Variants in TULP4 observed in about 807,000 individuals in gnomAD.
TULP4 encodes tubby-related protein 4.
TULP4 carries 16 observed loss-of-function variants against 129.0 expected under a neutral mutation model. The observed-to-expected ratio is 0.12, with a 90% CI of 0.08 to 0.19. The LOEUF (loss-of-function observed/expected upper bound fraction) is 0.19. Among genes scored for constraint, TULP4 ranks in the 10% least tolerant of loss-of-function variants. The pLI is 1.00. For missense variants in TULP4, 1,842 were observed against 2,059.1 expected (o/e 0.89, Z 2.04); for synonymous variants, 998 against 854.0 (o/e 1.17, Z -2.94).
At chr6:158,481,722 A>G (rs1343679542) in intron 8 of TULP4, among the ~76,000 whole-genome samples, 2 of 152,210 alleles carry the variant, frequency 1.3e-5, no homozygotes, top group African/African-American at 4.8e-5. Context: ...ACCCCTCCCT[A>G]GTCTACTGTT....
chr6:158,260,395 T>C (rs771150279), intron 1 of TULP4, among the ~76,000 whole-genome samples: 3 of 151,978 alleles, frequency 2.0e-5, no homozygotes, highest in Admixed American at 6.6e-5. Context: ...GCTAACACGG[T>C]GAAACCCCGT....
intron 1 of TULP4, among the ~76,000 whole-genome samples, chr6:158,398,314 G>A (rs775748575): frequency 5.3e-5 from 8 of 152,200 alleles, no homozygotes; most frequent in Non-Finnish European, 1.2e-4. Flanking sequence ...CATACAAGGT[G>A]TGGGAAGAGA....
intron 1 of TULP4, among the ~76,000 whole-genome samples, chr6:158,236,795 C>CTTTTTCTTTTTTTTTTTTTTTT (rs1777713125): frequency 3.2e-5 from 2 of 63,292 alleles, no homozygotes; most frequent in Non-Finnish European, 6.2e-5. Flanking sequence ...CAATTCTTTT[C>CTTTTTCTTTTTTTTTTTTTTTT]TTTTTTTTTT....
chr6:158,381,006 G>C (rs1284321240), intron 1 of TULP4, among the ~76,000 whole-genome samples: 1 of 151,818 alleles, frequency 6.6e-6, no homozygotes, highest in Non-Finnish European at 1.5e-5. Context: ...CTGCCAACTT[G>C]GAAGGGGAGC....
rs5881257 is a variant in TULP4 at position 158,365,899 on chromosome 6, C to CTTTTT, written c.253-47149_253-47145dup. Among the ~76,000 whole-genome samples the CTTTTT allele has an allele frequency of 2.7e-3, 156 of 57,586 alleles. 2 individuals carry two copies. Among genetic ancestry groups the CTTTTT allele is most frequent in the Non-Finnish European group, 3.3e-3 (112 of 34,296 alleles). The allele number at this position is 57,586 out of a possible 152,430, so 37.8% of individuals were successfully genotyped here. A position where few individuals can be genotyped will look rare whatever the true frequency, so the allele number is the denominator to read the frequency against. On this transcript the variant is annotated intron_variant, in intron 1 of 13. Coordinates refer to ENST00000367097, the MANE Select transcript of TULP4 (RefSeq NM_020245.5). The stretch of plus-strand genomic sequence containing the variant: ...TCTTTTTTTTTTTTTCTTTTTCTTT[C>CTTTTT]TTTTTTTTTTTTTTTTTTTTTGAGA...
At chr6:158,461,475 T>A in intron 5 of TULP4, 88 bp from the exon 6 acceptor site, 2 of 1,337,380 alleles carry the variant, frequency 1.5e-6, no homozygotes, top group Non-Finnish European at 2.0e-6. Context: ...GTGTCTGTAT[T>A]TTTTAAACTA....
intron 5 of TULP4, among the ~76,000 whole-genome samples, chr6:158,453,637 A>C (rs1779217977): frequency 6.6e-6 from 1 of 151,288 alleles, no homozygotes; most frequent in Admixed American, 6.6e-5. Flanking sequence ...AAAAATACAC[A>C]AATTAGCTGG....
At chr6:158,444,317 G>A (rs1778981969) in intron 3 of TULP4, among the ~76,000 whole-genome samples, 1 of 149,682 alleles carries the variant, frequency 6.7e-6, no homozygotes, top group African/African-American at 2.5e-5. Context: ...AGAAAAGGAG[G>A]GGCATCATGG....
rs186098549 is a variant in TULP4, at chr6:158,367,698, C to A, written c.253-45367C>A. Among the ~76,000 whole-genome samples, 223 of 152,104 alleles carry A rather than the reference C, an allele frequency of 1.5e-3. 3 individuals are homozygous for A. The East Asian group carries it at 0.041, about 28-fold the overall frequency. ...TTCTGAGGAAGAATGAATTTGATTCCGTCAGGTGGTTCTCAAAGATTCTTT... is the reference window on the plus strand; with the variant it reads ...TTCTGAGGAAGAATGAATTTGATTCAGTCAGGTGGTTCTCAAAGATTCTTT... On this transcript the variant is annotated intron_variant, in intron 1 of 13. Coordinates refer to ENST00000367097, the MANE Select transcript of TULP4 (RefSeq NM_020245.5).
intron 1 of TULP4, among the ~76,000 whole-genome samples, chr6:158,337,691 G>A (rs1780079260): frequency 6.6e-6 from 1 of 152,128 alleles, no homozygotes; most frequent in Non-Finnish European, 1.5e-5. Flanking sequence ...AAACAACAAA[G>A]TGTCAAGTGC....
intron 1 of TULP4, among the ~76,000 whole-genome samples, chr6:158,245,029 AC>A (rs544410460): frequency 7.5e-4 from 114 of 152,088 alleles, no homozygotes; most frequent in African/African-American, 2.5e-3. Flanking sequence ...TTACTTTGTC[AC>A]CCAGGCTGGA....
chr6:158,258,547 G>T (rs998172754), intron 1 of TULP4, among the ~76,000 whole-genome samples: 1 of 152,204 alleles, frequency 6.6e-6, no homozygotes, highest in African/African-American at 2.4e-5. Flanking sequence ...TTGAGGTTCA[G>T]CAGAAGGTCC....
intron 1 of TULP4, among the ~76,000 whole-genome samples, chr6:158,405,171 C>CT (rs1406134070): frequency 6.6e-6 from 1 of 152,124 alleles, no homozygotes; most frequent in Non-Finnish European, 1.5e-5. Context: ...AATTCACTGT[C>CT]TAACAAGATA....
chr6:158,357,394 T>C (rs1345789896), intron 1 of TULP4, among the ~76,000 whole-genome samples: 1 of 152,222 alleles, frequency 6.6e-6, no homozygotes, highest in Non-Finnish European at 1.5e-5. Flanking sequence ...CTAACAGTCA[T>C]TTTGAAATGT....
chr6:158,260,084 A>T (rs1161853742), intron 1 of TULP4, among the ~76,000 whole-genome samples: 4 of 152,294 alleles, frequency 2.6e-5, no homozygotes, highest in African/African-American at 9.6e-5. Context: ...TGGGAATGGA[A>T]GTTCTGGCCC....
chr6:158,275,532 C>T (rs1384992124), intron 1 of TULP4, among the ~76,000 whole-genome samples: 1 of 152,202 alleles, frequency 6.6e-6, no homozygotes, highest in South Asian at 2.1e-4. Context: ...GCCACAGTTA[C>T]TACTTTCTTT....
At chr6:158,362,747 G>A (rs1780824872) in intron 1 of TULP4, among the ~76,000 whole-genome samples, 1 of 152,232 alleles carries the variant, frequency 6.6e-6, no homozygotes, top group Non-Finnish European at 1.5e-5. Flanking sequence ...CACACAGAGT[G>A]TTGTTTAGTG....
At chr6:158,248,811 G>A (rs1778081992) in intron 1 of TULP4, among the ~76,000 whole-genome samples, 1 of 152,138 alleles carries the variant, frequency 6.6e-6, no homozygotes, top group Admixed American at 6.6e-5. Context: ...ATGTATCTGA[G>A]AGAAAGAGGT....
At chr6:158,328,279 T>A (rs1380513197) in intron 1 of TULP4, among the ~76,000 whole-genome samples, 1 of 152,068 alleles carries the variant, frequency 6.6e-6, no homozygotes, top group East Asian at 1.9e-4. Flanking sequence ...GCTCTGCAGC[T>A]TTGCACCTGT....
Sources: gnomAD v4.1 joint callset for allele counts (sites outside exome capture counted in the v4.1 genomes callset) on GRCh38, gnomAD v4.1.1 for gene constraint, MANE v1.5 for transcripts, NCBI Gene and HGNC (gene_info 2026-07-23, HGNC 2026-07-21) for gene names.